MYO10: variants seen among roughly 807,000 people sequenced by gnomAD.
MYO10 encodes the protein myosin X.
Under a neutral mutation model 257.3 loss-of-function variants are expected in MYO10, and 133 were observed. The ratio of observed to expected loss-of-function variants is 0.52; its 90% CI spans 0.45 to 0.60. MYO10 has a LOEUF of 0.60. Among genes scored for constraint, MYO10 ranks in the 20% least tolerant of loss-of-function variants. The probability of loss-of-function intolerance (pLI) is 0.00; values close to 1 mark genes in which losing one functional copy is unlikely to be tolerated. For missense variants in MYO10, 2,399 were observed against 2,635.7 expected (o/e 0.91, Z 1.97); for synonymous variants, 1,104 against 1,028.6 (o/e 1.07, Z -1.40).
intron 1 of MYO10, among the ~76,000 whole-genome samples, chr5:16,925,966 C>T (rs761840292): frequency 2.0e-5 from 3 of 152,100 alleles, no homozygotes; most frequent in African/African-American, 4.8e-5. Context: ...AGTGTCATTT[C>T]GGCACTCAGT....
Position 16,701,972 on chromosome 5 carries a change from C to T in MYO10, c.2557-134G>A. The T allele has an allele frequency of 5.9e-6, 6 of 1,023,766 alleles. No homozygotes were observed. Among genetic ancestry groups the T allele is most frequent in the Non-Finnish European group, 8.3e-6 (6 of 722,136 alleles). The allele number at this position is 1,023,766 out of a possible 1,614,324, so 63.4% of individuals were successfully genotyped here. On this transcript the variant is annotated intron_variant, in intron 24 of 40. Transcript: ENST00000513610. This position sits in a 1 kb window ranked among gnomAD's most constrained non-coding sequence, Gnocchi z 8.1. Reference sequence around the variant, plus strand: ...CCCCATAAAGTCTATAGGTTGAAGTCCTAACCCCAATACTGCAGAATGTGA... The same window carrying T: ...CCCCATAAAGTCTATAGGTTGAAGTTCTAACCCCAATACTGCAGAATGTGA...
chr5:16,883,926 T>A (rs1173615694), intron 1 of MYO10, among the ~76,000 whole-genome samples: 1 of 152,210 alleles, frequency 6.6e-6, no homozygotes, highest in African/African-American at 2.4e-5. Context: ...AAGAGAACAT[T>A]CTTTAGCCAA....
chr5:16,695,108 T>G (rs1028573767), intron 26 of MYO10, among the ~76,000 whole-genome samples: 10 of 151,788 alleles, frequency 6.6e-5, no homozygotes, highest in African/African-American at 1.9e-4. Context: ...CCGAGGCGGG[T>G]GGATCACTTG....
At chr5:16,898,038 G>A (rs1745263122) in intron 1 of MYO10, among the ~76,000 whole-genome samples, 1 of 152,096 alleles carries the variant, frequency 6.6e-6, no homozygotes, top group African/African-American at 2.4e-5. Context: ...CCCCAGGCTG[G>A]GAGATAAGCA....
Position 16,730,856 on chromosome 5 carries a change from T to C in MYO10, c.1930-19611A>G, listed in dbSNP as rs920531529. ...CAGGGATGCAGCACGCTGCGGAGGA[T>C]GGAAGGTGGGGTGGCTGATGTTAGA... On this transcript the variant is annotated intron_variant, in intron 19 of 40. Transcript: ENST00000513610. Among the ~76,000 whole-genome samples, 4 of 152,156 alleles carry C rather than the reference T, an allele frequency of 2.6e-5. No homozygotes were observed. The East Asian group carries it at 5.8e-4, about 22-fold the overall frequency.
At chr5:16,865,558 C>G (rs1230767492) in intron 2 of MYO10, among the ~76,000 whole-genome samples, 1 of 152,172 alleles carries the variant, frequency 6.6e-6, no homozygotes, top group Non-Finnish European at 1.5e-5. Context: ...TGCCTGTAAT[C>G]CCAGCACTTT....
At chr5:16,732,461 A>G (rs1368075013) in intron 19 of MYO10, among the ~76,000 whole-genome samples, 1 of 152,150 alleles carries the variant, frequency 6.6e-6, no homozygotes, top group Non-Finnish European at 1.5e-5. Flanking sequence ...CACTCTATTC[A>G]TCTGTGTTCT....
At chr5:16,738,000 G>A (rs1739873432) in intron 19 of MYO10, 4 of 611,992 alleles carry the variant, frequency 6.5e-6, no homozygotes, top group Non-Finnish European at 8.2e-6. Flanking sequence ...TGCTAAACAG[G>A]TGAAGCAGAG....
At chr5:16,852,231 A>G (rs111806201) in intron 2 of MYO10, among the ~76,000 whole-genome samples, 4,182 of 121,718 alleles carry the variant, frequency 0.034, 178 homozygotes, top group African/African-American at 0.15. Flanking sequence ...TTGAGAGTAC[A>G]GGCTAAAAAA....
intron 19 of MYO10, among the ~76,000 whole-genome samples, chr5:16,723,279 T>C (rs1739226522): frequency 6.6e-6 from 1 of 151,644 alleles, no homozygotes; most frequent in South Asian, 2.1e-4. Flanking sequence ...TTCCAGCTAC[T>C]GGGGAGGCTG....
chr5:16,673,425 G>T (rs1443677059), intron 36 of MYO10, among the ~76,000 whole-genome samples: 1 of 152,178 alleles, frequency 6.6e-6, no homozygotes, highest in Non-Finnish European at 1.5e-5. Context: ...AGCTCTGCTA[G>T]ACACTCAGCT....
intron 1 of MYO10, among the ~76,000 whole-genome samples, chr5:16,909,468 T>G (rs892336338): frequency 1.3e-4 from 18 of 142,630 alleles, no homozygotes; most frequent in Non-Finnish European, 2.5e-4. Context: ...ATCACACCAC[T>G]GCACTCCAGC....
chr5:16,745,037 T>C (rs1166345763), intron 19 of MYO10, among the ~76,000 whole-genome samples: 1 of 152,212 alleles, frequency 6.6e-6, no homozygotes, highest in Admixed American at 6.5e-5. Flanking sequence ...ATTTCATTCA[T>C]TACAATTAAG....
At chr5:16,691,698 CAAA>C (rs34616596) in intron 27 of MYO10, among the ~76,000 whole-genome samples, 112 of 134,144 alleles carry the variant, frequency 8.3e-4, no homozygotes, top group Admixed American at 1.6e-3. Context: ...GACTCTGTAT[CAAA>C]AAAAAAAAAA....
At chr5:16,698,266 G>A (rs1230335520) in intron 26 of MYO10, among the ~76,000 whole-genome samples, 3 of 152,062 alleles carry the variant, frequency 2.0e-5, no homozygotes, top group East Asian at 1.9e-4. Context: ...TGAAGGCTGC[G>A]GCAGGAAGAT....
intron 19 of MYO10, among the ~76,000 whole-genome samples, chr5:16,750,929 A>G (rs1740360912): frequency 6.6e-6 from 1 of 152,170 alleles, no homozygotes; most frequent in Admixed American, 6.5e-5. Flanking sequence ...CGGGAGACGG[A>G]GGTTGTGGTG....
intron 2 of MYO10, among the ~76,000 whole-genome samples, chr5:16,871,703 T>C (rs2126756635): frequency 1.3e-5 from 2 of 152,278 alleles, no homozygotes; most frequent in South Asian, 4.1e-4. Flanking sequence ...TTGGCGACGA[T>C]TCCTGCATGT....
intron 4 of MYO10, among the ~76,000 whole-genome samples, chr5:16,793,987 A>G (rs940949652): frequency 1.3e-5 from 2 of 152,030 alleles, no homozygotes; most frequent in African/African-American, 4.8e-5. Context: ...GTAATAAAGG[A>G]GCTGATATTG....
rs1008073560 is a variant in MYO10, at chr5:16,663,482, C to G, written c.*3210G>C. ...TGGTGCCTCCTCAGTAACAGACATT[C>G]AAAACTACAGTCAGCCCTCAGTGTT... On this transcript the variant is annotated 3_prime_UTR_variant, in exon 41 of 41. Coordinates refer to ENST00000513610, the MANE Select transcript of MYO10 (RefSeq NM_012334.3). 1 of 151,660 alleles carries G rather than the reference C, an allele frequency of 6.6e-6. No homozygotes were observed. The highest frequency in any genetic ancestry group is 6.6e-5 in the Admixed American group (1 of 15,202). The allele number at this position is 151,660 out of a possible 1,614,324, so 9.4% of individuals were successfully genotyped here. A position where few individuals can be genotyped will look rare whatever the true frequency, so the allele number is the denominator to read the frequency against.
Sources: allele counts gnomAD v4.1 joint callset (sites outside exome capture counted in the v4.1 genomes callset), GRCh38; gene constraint gnomAD v4.1.1; non-coding constraint Gnocchi (gnomAD v3.1); transcripts MANE v1.5; gene names NCBI Gene and HGNC (gene_info 2026-07-23, HGNC 2026-07-21).